Variants in TUSC3 observed in about 807,000 individuals in gnomAD.
TUSC3 encodes the protein dolichyl-diphosphooligosaccharide--protein glycosyltransferase subunit TUSC3.
TUSC3 carries 45 observed loss-of-function variants against 44.8 expected under a neutral mutation model. That is an observed-to-expected ratio of 1.00 (90% CI 0.79 to 1.29). The LOEUF (loss-of-function observed/expected upper bound fraction) is 1.29. Ranked by LOEUF, TUSC3 falls within the 50% of genes most tolerant of loss-of-function variation. TUSC3 has a pLI of 0.00. For missense variants in TUSC3, 519 were observed against 437.9 expected, an observed-to-expected ratio of 1.19 and a Z score of -1.65; for synonymous variants, 212 against 152.9, an observed-to-expected ratio of 1.39 and a Z score of -2.85.
intron 7 of TUSC3, among the ~76,000 whole-genome samples, chr8:15,733,169 T>C (rs915233249): frequency 6.6e-6 from 1 of 152,174 alleles, no homozygotes; most frequent in African/African-American, 2.4e-5. Context: ...TGTATATGTT[T>C]ATAGACATAT....
At chr8:15,715,375 T>C (rs1465135925) in intron 6 of TUSC3, among the ~76,000 whole-genome samples, 2 of 152,152 alleles carry the variant, frequency 1.3e-5, no homozygotes, top group Admixed American at 1.3e-4. Flanking sequence ...AAATACCTTA[T>C]TGTACTATAC....
intron 7 of TUSC3, among the ~76,000 whole-genome samples, chr8:15,742,666 A>G (rs1811244888): frequency 6.6e-6 from 1 of 152,196 alleles, no homozygotes; most frequent in Non-Finnish European, 1.5e-5. Flanking sequence ...AACACAAGGG[A>G]ATCATAATGA....
chr8:15,463,254 C>G (rs535479688), intron 1 of TUSC3, among the ~76,000 whole-genome samples: 1 of 152,104 alleles, frequency 6.6e-6, no homozygotes, highest in South Asian at 2.1e-4. Context: ...TAACTTTATA[C>G]GTATTGGGAA....
At chr8:15,846,800 A>G in the TUSC3 span, among the ~76,000 whole-genome samples, 2 of 151,546 alleles carry the variant, frequency 1.3e-5, no homozygotes, top group African/African-American at 2.4e-5. Flanking sequence ...GCAAACCACC[A>G]TGGCACATGC....
intron 5 of TUSC3, among the ~76,000 whole-genome samples, chr8:15,668,011 G>A (rs193105175): frequency 6.6e-6 from 1 of 151,678 alleles, no homozygotes. Context: ...CTCTAGATGT[G>A]AGAAAGATAA....
chr8:15,423,112 T>C (rs1002004215), intron 1 of TUSC3, among the ~76,000 whole-genome samples: 4 of 152,144 alleles, frequency 2.6e-5, no homozygotes, highest in African/African-American at 7.2e-5. Flanking sequence ...AAAAAAGTGT[T>C]TCTTAGTTTC....
At chr8:15,656,774 A>T in intron 3 of TUSC3, among the ~76,000 whole-genome samples, 1 of 152,230 alleles carries the variant, frequency 6.6e-6, no homozygotes, top group East Asian at 1.9e-4. Flanking sequence ...TGCCTCTGCA[A>T]CAAGTCTTTA....
intron 1 of TUSC3, among the ~76,000 whole-genome samples, chr8:15,457,620 C>G (rs968680735): frequency 6.7e-5 from 10 of 150,068 alleles, no homozygotes; most frequent in African/African-American, 2.2e-4. Context: ...TTCATAATAG[C>G]AAAAACCTGG....
intron 1 of TUSC3, among the ~76,000 whole-genome samples, chr8:15,424,498 A>G (rs1799779976): frequency 1.3e-5 from 2 of 152,160 alleles, no homozygotes. Flanking sequence ...TCTGAGATTA[A>G]CGTTTCTGGG....
chr8:15,441,277 C>T (rs1382022104), intron 1 of TUSC3, among the ~76,000 whole-genome samples: 5 of 151,988 alleles, frequency 3.3e-5, no homozygotes, highest in Non-Finnish European at 7.4e-5. Flanking sequence ...CATGGTGGCA[C>T]GTGGCTGTAA....
At chr8:15,833,162 C>G in the TUSC3 span, among the ~76,000 whole-genome samples, 1 of 152,144 alleles carries the variant, frequency 6.6e-6, no homozygotes, top group Non-Finnish European at 1.5e-5. Context: ...CAATGAGATA[C>G]TATCTCACAC....
upstream of TUSC3, among the ~76,000 whole-genome samples, chr8:15,539,837 G>A (rs1360880369): frequency 6.6e-6 from 1 of 152,142 alleles, no homozygotes; most frequent in Non-Finnish European, 1.5e-5. Flanking sequence ...CAGTTGTGAA[G>A]TTGTGGGGCG....
the TUSC3 span, among the ~76,000 whole-genome samples, chr8:15,796,082 G>A: frequency 6.6e-6 from 1 of 152,172 alleles, no homozygotes; most frequent in Admixed American, 6.5e-5. Flanking sequence ...TCTGGCAGGA[G>A]TCCCAGGTCT....
the TUSC3 span, among the ~76,000 whole-genome samples, chr8:15,775,990 C>A: frequency 4.6e-5 from 7 of 151,800 alleles, no homozygotes; most frequent in African/African-American, 1.7e-4. Flanking sequence ...AATAATTTCT[C>A]AATTCCTAAA....
intron 5 of TUSC3, among the ~76,000 whole-genome samples, chr8:15,662,544 AATACATCT>A (rs1202353617): frequency 6.6e-6 from 1 of 151,966 alleles, no homozygotes; most frequent in African/African-American, 2.4e-5. Flanking sequence ...ATACATGTTG[AATACATCT>A]AGAAATATGG....
intron 1 of TUSC3, among the ~76,000 whole-genome samples, chr8:15,419,539 C>T (rs1429069681): frequency 2.0e-5 from 3 of 152,068 alleles, no homozygotes; most frequent in African/African-American, 4.8e-5. Flanking sequence ...AGAAAAACAG[C>T]AATAAAATTC....
chr8:15,435,222 G>A (rs1026123364), intron 1 of TUSC3, among the ~76,000 whole-genome samples: 26 of 151,694 alleles, frequency 1.7e-4, no homozygotes, highest in African/African-American at 4.6e-4. Context: ...TTTAATGATC[G>A]CCATTCTAAC....
chr8:15,571,760 C>T (rs752969990), intron 1 of TUSC3, among the ~76,000 whole-genome samples: 4 of 152,164 alleles, frequency 2.6e-5, no homozygotes, highest in African/African-American at 4.8e-5. Context: ...TCCTCTCAAA[C>T]CCTGCCACTG....
chr8:15,747,920 C>T (rs527727400), intron 8 of TUSC3, among the ~76,000 whole-genome samples: 24 of 152,194 alleles, frequency 1.6e-4, no homozygotes, highest in African/African-American at 5.8e-4. Context: ...AAAATTATTG[C>T]ATAGCATCGG....
Sources: gnomAD v4.1 joint callset for allele counts (sites outside exome capture counted in the v4.1 genomes callset) on GRCh38, gnomAD v4.1.1 for gene constraint, MANE v1.5 for transcripts, NCBI Gene and HGNC (gene_info 2026-07-23, HGNC 2026-07-21) for gene names.